The following ZNF385B variants were observed in gnomAD, a reference collection of about 807,000 sequenced individuals.
ZNF385B encodes zinc finger protein 385B.
In ZNF385B, 23 loss-of-function variants were observed where a neutral mutation model predicts 39.2. That is an observed-to-expected ratio of 0.59 (90% CI 0.42 to 0.83). ZNF385B has a LOEUF of 0.83. Among genes scored for constraint, ZNF385B ranks in the 40% least tolerant of loss-of-function variants. The pLI, the probability that ZNF385B is intolerant of heterozygous loss-of-function variation, is 0.00. For missense variants in ZNF385B, 552 were observed against 598.9 expected (o/e 0.92, Z 0.82); for synonymous variants, 205 against 222.6 (o/e 0.92, Z 0.70).
chr2:179,570,642 AGTT>A (rs1384806665), intron 3 of ZNF385B, among the ~76,000 whole-genome samples: 4 of 152,208 alleles, frequency 2.6e-5, no homozygotes, highest in African/African-American at 9.6e-5. Context: ...GAAGAGAGCC[AGTT>A]GTTTGGAGGC....
At chr2:179,762,276 A>G (rs1029943660) in intron 3 of ZNF385B, among the ~76,000 whole-genome samples, 1 of 151,568 alleles carries the variant, frequency 6.6e-6, no homozygotes, top group Non-Finnish European at 1.5e-5. Flanking sequence ...TGCAACCTCC[A>G]CCTCCCAGGT....
chr2:179,781,644 G>A (rs1255133967), intron 1 of ZNF385B, among the ~76,000 whole-genome samples: 5 of 152,066 alleles, frequency 3.3e-5, no homozygotes, highest in African/African-American at 1.2e-4. Context: ...AATTAAAATT[G>A]TTTCTTCAAA....
intron 3 of ZNF385B, among the ~76,000 whole-genome samples, chr2:179,678,029 A>G (rs1241248470): frequency 6.6e-6 from 1 of 151,772 alleles, no homozygotes; most frequent in Non-Finnish European, 1.5e-5. Flanking sequence ...TTTTTTTTCT[A>G]TCAAGGGGCC....
At chr2:179,505,992 C>G (rs2057222700) in intron 5 of ZNF385B, among the ~76,000 whole-genome samples, 1 of 151,876 alleles carries the variant, frequency 6.6e-6, no homozygotes, top group Non-Finnish European at 1.5e-5. Context: ...ATATGTAAGA[C>G]TAAAATGAGA....
intron 3 of ZNF385B, among the ~76,000 whole-genome samples, chr2:179,730,542 T>A (rs1238382760): frequency 1.3e-5 from 2 of 152,220 alleles, no homozygotes; most frequent in African/African-American, 4.8e-5. Context: ...CTTAGCTAGC[T>A]TGGAAGTCTA....
intron 4 of ZNF385B, among the ~76,000 whole-genome samples, chr2:179,526,328 G>A (rs2058895122): frequency 1.3e-5 from 2 of 151,974 alleles, no homozygotes; most frequent in African/African-American, 2.4e-5. Flanking sequence ...GGTGGCTCAC[G>A]CCTATAATCC....
chr2:179,671,153 G>A (rs1174572356), intron 3 of ZNF385B, among the ~76,000 whole-genome samples: 3 of 152,186 alleles, frequency 2.0e-5, no homozygotes, highest in Non-Finnish European at 4.4e-5. Context: ...ATTTGAGATG[G>A]TTCTGGCGAC....
chr2:179,614,664 G>C (rs1689583374), intron 3 of ZNF385B, among the ~76,000 whole-genome samples: 1 of 152,146 alleles, frequency 6.6e-6, no homozygotes, highest in Non-Finnish European at 1.5e-5. Context: ...ACAGTACTGA[G>C]GTATCTAGTT....
chr2:179,641,684 C>A (rs776747205), intron 3 of ZNF385B, among the ~76,000 whole-genome samples: 2 of 100,912 alleles, frequency 2.0e-5, no homozygotes, highest in Non-Finnish European at 3.9e-5. Flanking sequence ...AATTCTATGA[C>A]ATAACCCTTA....
At chr2:179,695,189 C>G (rs1357919905) in intron 3 of ZNF385B, among the ~76,000 whole-genome samples, 1 of 152,106 alleles carries the variant, frequency 6.6e-6, no homozygotes, top group African/African-American at 2.4e-5. Context: ...ATGATATCAT[C>G]ATAGATCAGG....
At chr2:179,570,402 C>T (rs1378931048) in intron 3 of ZNF385B, among the ~76,000 whole-genome samples, 1 of 152,170 alleles carries the variant, frequency 6.6e-6, no homozygotes, top group African/African-American at 2.4e-5. Flanking sequence ...CCTTTTATCA[C>T]AGTGTATGTA....
intron 4 of ZNF385B, among the ~76,000 whole-genome samples, chr2:179,521,038 T>C (rs1177521642): frequency 6.6e-6 from 1 of 152,104 alleles, no homozygotes; most frequent in Non-Finnish European, 1.5e-5. Flanking sequence ...TACGAATATC[T>C]AGTTTCAAGT....
At chr2:179,533,604 G>A (rs541944122) in intron 4 of ZNF385B, among the ~76,000 whole-genome samples, 1 of 152,074 alleles carries the variant, frequency 6.6e-6, no homozygotes, top group Non-Finnish European at 1.5e-5. Flanking sequence ...AGGAAAACAG[G>A]TGTGTGGGAG....
At chr2:179,463,454 T>C (rs1439040091) in intron 6 of ZNF385B, among the ~76,000 whole-genome samples, 1 of 152,134 alleles carries the variant, frequency 6.6e-6, no homozygotes, top group Non-Finnish European at 1.5e-5. Flanking sequence ...GCTGCACCCA[T>C]CAACTCATCA....
At chr2:179,689,635 G>T (rs531609647) in intron 3 of ZNF385B, among the ~76,000 whole-genome samples, 1 of 152,092 alleles carries the variant, frequency 6.6e-6, no homozygotes, top group Non-Finnish European at 1.5e-5. Context: ...CTTCTAGATC[G>T]AATATTCCCC....
At chr2:179,646,904 G>A (rs1260962462) in intron 3 of ZNF385B, among the ~76,000 whole-genome samples, 1 of 152,206 alleles carries the variant, frequency 6.6e-6, no homozygotes, top group Non-Finnish European at 1.5e-5. Flanking sequence ...CAGAGACATA[G>A]ATAAAGCTAT....
At chr2:179,456,199 C>T (rs946968676) in intron 6 of ZNF385B, among the ~76,000 whole-genome samples, 3 of 152,184 alleles carry the variant, frequency 2.0e-5, no homozygotes, top group African/African-American at 7.2e-5. Context: ...ATAATTTCCT[C>T]AGGACATGAA....
intron 3 of ZNF385B, among the ~76,000 whole-genome samples, chr2:179,579,813 T>C (rs1686275600): frequency 6.6e-6 from 1 of 152,296 alleles, no homozygotes; most frequent in Non-Finnish European, 1.5e-5. Context: ...GTTATTTCTA[T>C]GCATTATATA....
intron 1 of ZNF385B, among the ~76,000 whole-genome samples, chr2:179,818,594 A>G (rs1707212168): frequency 6.6e-6 from 1 of 152,200 alleles, no homozygotes; most frequent in South Asian, 2.1e-4. Flanking sequence ...AAAATACAAC[A>G]TTGCAAGAAA....
Sources: allele counts gnomAD v4.1 joint callset (sites outside exome capture counted in the v4.1 genomes callset), GRCh38; gene constraint gnomAD v4.1.1; transcripts MANE v1.5; gene names NCBI Gene and HGNC (gene_info 2026-07-23, HGNC 2026-07-21).